The following OPCML variants were observed in gnomAD, a reference collection of about 807,000 sequenced individuals.
OPCML encodes the protein opioid binding protein/cell adhesion molecule like, also known as opioid-binding protein/cell adhesion molecule.
A neutral mutation model predicts 37.8 loss-of-function variants in OPCML; 13 were observed. That is an observed-to-expected ratio of 0.34 (90% CI 0.22 to 0.55). The LOEUF (loss-of-function observed/expected upper bound fraction) is 0.55, where lower values mean the gene tolerates loss of function less well. OPCML is among the 20% of genes least tolerant of loss of function. The pLI is 0.91. For missense variants in OPCML, 341 were observed against 435.6 expected (o/e 0.78, Z 1.93); for synonymous variants, 176 against 168.8 (o/e 1.04, Z -0.33).
intron 1 of OPCML, among the ~76,000 whole-genome samples, chr11:132,951,491 T>C (rs188235825): frequency 3.3e-5 from 5 of 152,332 alleles, no homozygotes; most frequent in Admixed American, 3.3e-4. Context: ...CTAAAAGCCC[T>C]ATCTCTAAGT....
chr11:133,007,347 C>G, intron 1 of OPCML: 1 of 985,426 alleles, frequency 1.0e-6, no homozygotes, highest in Middle Eastern at 5.2e-4. Context: ...ATTTAACCTC[C>G]CTTATCTGTG....
intron 2 of OPCML, among the ~76,000 whole-genome samples, chr11:132,756,947 C>A (rs1223437245): frequency 6.6e-6 from 1 of 152,112 alleles, no homozygotes; most frequent in Non-Finnish European, 1.5e-5. Context: ...CACCCCCTGA[C>A]AGGCCCTGAT....
chr11:133,007,035 G>C (rs1947127120), intron 1 of OPCML: 6 of 985,334 alleles, frequency 6.1e-6, no homozygotes, highest in Non-Finnish European at 7.2e-6. Flanking sequence ...GAGAGGAAAG[G>C]CATGAGAAAA....
At chr11:133,496,979 C>G (rs1340607629) in intron 1 of OPCML, among the ~76,000 whole-genome samples, 1 of 152,074 alleles carries the variant, frequency 6.6e-6, no homozygotes, top group Non-Finnish European at 1.5e-5. Context: ...GTCTTGTTCC[C>G]GTTCTCAGAG....
intron 2 of OPCML, among the ~76,000 whole-genome samples, chr11:132,749,523 TCAAA>T (rs1945758898): frequency 6.6e-6 from 1 of 152,130 alleles, no homozygotes; most frequent in African/African-American, 2.4e-5. Flanking sequence ...TGTTAGACAT[TCAAA>T]CAGAGATGTC....
chr11:132,761,391 C>T (rs753684859), intron 2 of OPCML, among the ~76,000 whole-genome samples: 3 of 152,050 alleles, frequency 2.0e-5, no homozygotes, highest in Non-Finnish European at 2.9e-5. Flanking sequence ...GATGATATCA[C>T]GAAGTGTGTT....
chr11:132,598,451 G>C (rs557696435), intron 3 of OPCML, among the ~76,000 whole-genome samples: 62 of 152,080 alleles, frequency 4.1e-4, no homozygotes, highest in African/African-American at 1.1e-3. Context: ...AATTTCCAAC[G>C]CACGCCATTT....
At chr11:132,553,942 T>C (rs1029486975) in intron 3 of OPCML, among the ~76,000 whole-genome samples, 17 of 152,174 alleles carry the variant, frequency 1.1e-4, no homozygotes, top group African/African-American at 3.4e-4. Context: ...AAAGCCTCCT[T>C]CCCTTCTTTC....
At chr11:133,350,773 A>C (rs1264942503) in intron 1 of OPCML, among the ~76,000 whole-genome samples, 1 of 152,200 alleles carries the variant, frequency 6.6e-6, no homozygotes, top group Non-Finnish European at 1.5e-5. Context: ...AGTACCTCCT[A>C]TGTACTAGGC....
intron 4 of OPCML, among the ~76,000 whole-genome samples, chr11:132,502,219 A>G (rs2096247125): frequency 6.6e-6 from 1 of 152,174 alleles, no homozygotes; most frequent in South Asian, 2.1e-4. Flanking sequence ...AAGACACAGC[A>G]TCACCCTCAC....
chr11:133,161,416 C>T (rs993114681), intron 1 of OPCML, among the ~76,000 whole-genome samples: 2 of 152,128 alleles, frequency 1.3e-5, no homozygotes, highest in African/African-American at 4.8e-5. Flanking sequence ...GGTAGGTAGA[C>T]AAGCGTGAGG....
chr11:133,182,112 C>T (rs1197049454), intron 1 of OPCML, among the ~76,000 whole-genome samples: 2 of 152,316 alleles, frequency 1.3e-5, no homozygotes, highest in Admixed American at 6.5e-5. Context: ...CGTGATGCTA[C>T]CCCTAATGCT....
chr11:132,452,677 T>A (rs2096071712), intron 4 of OPCML, among the ~76,000 whole-genome samples: 1 of 152,064 alleles, frequency 6.6e-6, no homozygotes. Flanking sequence ...TCACTTCCTT[T>A]GTTCCTTCAC....
At chr11:133,322,028 T>G (rs1346193037) in intron 1 of OPCML, among the ~76,000 whole-genome samples, 1 of 152,320 alleles carries the variant, frequency 6.6e-6, no homozygotes, top group African/African-American at 2.4e-5. Context: ...GGTTTCATAT[T>G]AACAAATGCC....
At chr11:132,551,130 A>G (rs575520970) in intron 3 of OPCML, among the ~76,000 whole-genome samples, 1 of 152,304 alleles carries the variant, frequency 6.6e-6, no homozygotes, top group South Asian at 2.1e-4. Context: ...CTCTATTGCA[A>G]TTCCCCTGTC....
chr11:133,446,578 C>T (rs1036430629), intron 1 of OPCML, among the ~76,000 whole-genome samples: 6 of 152,134 alleles, frequency 3.9e-5, no homozygotes, highest in African/African-American at 9.7e-5. Flanking sequence ...GCGTGCACCA[C>T]CATGCCCAGC....
At chr11:133,415,062 T>G (rs781677142) in intron 1 of OPCML, among the ~76,000 whole-genome samples, 11 of 152,146 alleles carry the variant, frequency 7.2e-5, no homozygotes, top group Non-Finnish European at 8.8e-5. Flanking sequence ...TGCGAGTTAT[T>G]TAGAGCAGTA....
chr11:133,163,482 T>G lies in OPCML; in HGVS notation c.62-220472A>C, dbSNP rs541726682. On this transcript the variant is annotated intron_variant, in intron 1 of 7. Coordinates refer to ENST00000524381, the MANE Select transcript of OPCML (RefSeq NM_001012393.5). Reference sequence around the variant, plus strand: ...TTCCTACCAGACAGGAAGGGGCATGTTCATAGACGTTTAAAAGGCAGGAGT... The same window carrying G: ...TTCCTACCAGACAGGAAGGGGCATGGTCATAGACGTTTAAAAGGCAGGAGT... Among the ~76,000 whole-genome samples the G allele has an allele frequency of 1.5e-4, 23 of 152,332 alleles. 2 individuals are homozygous for G. In the South Asian group the frequency reaches 4.3e-3, roughly 29 times the overall value.
intron 1 of OPCML, among the ~76,000 whole-genome samples, chr11:133,238,787 T>C (rs1349197666): frequency 6.6e-6 from 1 of 152,248 alleles, no homozygotes; most frequent in African/African-American, 2.4e-5. Flanking sequence ...GACAGTATTC[T>C]GTGTTCATTA....
Sources: allele counts gnomAD v4.1 joint callset (sites outside exome capture counted in the v4.1 genomes callset), GRCh38; gene constraint gnomAD v4.1.1; transcripts MANE v1.5; gene names NCBI Gene and HGNC (gene_info 2026-07-23, HGNC 2026-07-21).